Variants in PPEF1 observed in about 807,000 individuals in gnomAD.
PPEF1 encodes the protein serine/threonine-protein phosphatase with EF-hands 1.
A neutral mutation model predicts 53.3 loss-of-function variants in PPEF1; 12 were observed. That is an observed-to-expected ratio of 0.23 (90% CI 0.14 to 0.36). The LOEUF (loss-of-function observed/expected upper bound fraction) is 0.36. PPEF1 is among the 10% of genes least tolerant of loss of function. The pLI, the probability that PPEF1 is intolerant of heterozygous loss-of-function variation, is 1.00. For synonymous variants in PPEF1, 165 were observed against 176.7 expected (o/e 0.93, Z 0.52); for missense variants, 334 against 490.4 (o/e 0.68, Z 3.01).
intron 10 of PPEF1, among the ~76,000 whole-genome samples, chrX:18,802,092 G>T (rs996149133): frequency 9.0e-6 from 1 of 111,212 alleles, no homozygotes; most frequent in Non-Finnish European, 1.9e-5. Context: ...TTGAGATGGT[G>T]TCTTGCTCTG....
intron 9 of PPEF1, among the ~76,000 whole-genome samples, chrX:18,788,144 G>A (rs949159948): frequency 1.7e-4 from 19 of 109,439 alleles, no homozygotes; most frequent in African/African-American, 3.0e-4. Flanking sequence ...GTGACACCCC[G>A]TCTCTTCTAA....
chrX:18,764,662 G>T (rs141831877), intron 6 of PPEF1, among the ~76,000 whole-genome samples: 1,370 of 111,561 alleles, frequency 0.012, 23 homozygotes, highest in African/African-American at 0.04. Context: ...TCAGAAGTGC[G>T]GTCCGGCTAT....
intron 1 of PPEF1, among the ~76,000 whole-genome samples, chrX:18,718,724 G>A (rs1418501279): frequency 8.9e-6 from 1 of 112,213 alleles, no homozygotes; most frequent in African/African-American, 3.2e-5. Context: ...CTTTCCAGTT[G>A]GGTCATGTTA....
At chrX:18,766,412 G>A (rs1034458806) in intron 6 of PPEF1, among the ~76,000 whole-genome samples, 3 of 111,823 alleles carry the variant, frequency 2.7e-5, no homozygotes, top group Admixed American at 1.9e-4. Context: ...GGCTGTTCTG[G>A]AAACAGTGTT....
rs866405209 is a variant in PPEF1 at position 18,777,583 on chromosome X, G to A, written c.559-1427G>A. On this transcript the variant is annotated intron_variant, in intron 6 of 15. Transcript: ENST00000470157. ...CGCCCAGGCTGGAGTGCAGTGGTGC[G>A]ATCTCCGCTCACTGCCAGCTCCGGC... is the stretch of plus-strand genomic sequence containing the variant. 1.3e-4 allele frequency among the ~76,000 whole-genome samples: 14 copies of A among 104,778 alleles called. No homozygotes were observed. In the Middle Eastern group the frequency reaches 0.016, roughly 116 times the overall value. 91.0% of individuals were successfully genotyped at this position (104,778 alleles called of 115,157 possible). A position where few individuals can be genotyped will look rare whatever the true frequency, so the allele number is the denominator to read the frequency against.
chrX:18,701,296 A>G (rs1406572554), intron 6 of PPEF1, among the ~76,000 whole-genome samples: 1 of 112,300 alleles, frequency 8.9e-6, no homozygotes, highest in African/African-American at 3.2e-5. Context: ...CAGAACCTGT[A>G]GGTACCCAAA....
At chrX:18,740,817 A>T (rs1201655495) in intron 3 of PPEF1, among the ~76,000 whole-genome samples, 1 of 111,112 alleles carries the variant, frequency 9.0e-6, no homozygotes, top group Non-Finnish European at 1.9e-5. Flanking sequence ...ATAATTTTTT[A>T]CAACCATGTA....
At chrX:18,763,835 C>T in intron 6 of PPEF1, among the ~76,000 whole-genome samples, 1 of 111,480 alleles carries the variant, frequency 9.0e-6, no homozygotes, top group Admixed American at 9.6e-5. Flanking sequence ...GAGACTTCAG[C>T]AGGCCCAAGC....
At chrX:18,743,446 C>CT (rs72264344) in intron 3 of PPEF1, among the ~76,000 whole-genome samples, 1,113 of 59,243 alleles carry the variant, frequency 0.019, 43 homozygotes, top group African/African-American at 0.04. Flanking sequence ...TTCTCTTTTT[C>CT]TTTTTTTTTT....
chrX:18,750,262 A>G (rs1017402085), intron 4 of PPEF1, among the ~76,000 whole-genome samples: 1 of 111,403 alleles, frequency 9.0e-6, no homozygotes, highest in Non-Finnish European at 1.9e-5. Flanking sequence ...ACCATCACCA[A>G]TATCTCATTC....
intron 9 of PPEF1, 141 bp downstream of exon 9, chrX:18,784,189 GTA>G: frequency 1.8e-6 from 1 of 555,261 alleles, no homozygotes; most frequent in Non-Finnish European, 2.5e-6. Context: ...GTATATAAAA[GTA>G]TAAATTTTAA....
At chrX:18,789,309 T>G (rs776697201) in intron 10 of PPEF1, 36 bp downstream of exon 10, 5 of 1,171,675 alleles carry the variant, frequency 4.3e-6, no homozygotes, top group Non-Finnish European at 5.8e-6. Flanking sequence ...GTGGCAACAA[T>G]GACACTAGCG....
intron 4 of PPEF1, among the ~76,000 whole-genome samples, chrX:18,750,960 T>C (rs1259690084): frequency 8.9e-6 from 1 of 112,082 alleles, no homozygotes; most frequent in Non-Finnish European, 1.9e-5. Context: ...CATCTTTTTA[T>C]GTATTTATTG....
At chrX:18,804,214 G>A (rs911205933) in intron 11 of PPEF1, 137 bp downstream of exon 11, 1 of 528,854 alleles carries the variant, frequency 1.9e-6, no homozygotes, top group African/African-American at 2.5e-5. Flanking sequence ...GAGAAGGCGA[G>A]CTTCATCTAG....
chrX:18,725,908 A>G (rs1156372485), intron 1 of PPEF1, among the ~76,000 whole-genome samples: 1 of 111,209 alleles, frequency 9.0e-6, no homozygotes, highest in Non-Finnish European at 1.9e-5. Flanking sequence ...TGCTATATAC[A>G]AAACAGCAGC....
rs746496800 is a variant in PPEF1, at chrX:18,803,994, A to C, written c.1168A>C (p.Ile390Leu). The change falls in exon 11 of 16, where the codon ATT (isoleucine) becomes CTT (leucine). Residue 390 changes from isoleucine to leucine, a missense_variant. Physicochemically the swap from Ile to Leu is conservative, Grantham distance 5. Coordinates refer to ENST00000470157, the MANE Select transcript of PPEF1 (RefSeq NM_001377996.1). ...TTTTGGACCAGATGTTACTTCCAAGATTCTTAATAAATACCAGTTGAAGAT... is the reference window on the plus strand; with the variant it reads ...TTTTGGACCAGATGTTACTTCCAAGCTTCTTAATAAATACCAGTTGAAGAT... Reference protein sequence around the residue: ...CYFGPDVTSKILNKYQLKMLI... With the variant: ...CYFGPDVTSKLLNKYQLKMLI... 6.6e-6 allele frequency: 8 copies of C among 1,203,111 alleles called. No individual in the cohort carries two copies. The East Asian group carries it at 2.4e-4, about 36-fold the overall frequency.
At chrX:18,768,751 G>A (rs1321977126) in intron 6 of PPEF1, among the ~76,000 whole-genome samples, 2 of 112,046 alleles carry the variant, frequency 1.8e-5, no homozygotes, top group Admixed American at 1.9e-4. Flanking sequence ...ACAGTTGTTG[G>A]CCCCAAAGAC....
intron 4 of PPEF1, among the ~76,000 whole-genome samples, chrX:18,755,573 C>T (rs77726681): frequency 0.062 from 6,821 of 110,076 alleles, 382 homozygotes; most frequent in African/African-American, 0.18. Context: ...TCCCCCCCAG[C>T]CCCCAAAAAA....
intron 10 of PPEF1, among the ~76,000 whole-genome samples, chrX:18,797,103 C>A (rs2046447201): frequency 9.0e-6 from 1 of 111,458 alleles, no homozygotes; most frequent in South Asian, 3.8e-4. Context: ...TGGGCCAGAA[C>A]CTCATTTCTG....
Sources: allele counts gnomAD v4.1 joint callset (sites outside exome capture counted in the v4.1 genomes callset), GRCh38; gene constraint gnomAD v4.1.1; transcripts MANE v1.5; gene names NCBI Gene and HGNC (gene_info 2026-07-23, HGNC 2026-07-21).